DCC: variants seen among roughly 807,000 people sequenced by gnomAD.
The protein encoded by DCC is netrin receptor DCC.
DCC carries 58 observed loss-of-function variants against 172.5 expected under a neutral mutation model. That is an observed-to-expected ratio of 0.34 (90% CI 0.27 to 0.42). The LOEUF is 0.42. Ranked by LOEUF, DCC falls within the 10% of genes least tolerant of loss-of-function variation. The probability of loss-of-function intolerance (pLI) is 1.00; values close to 1 mark genes in which losing one functional copy is unlikely to be tolerated. For missense variants in DCC, 1,740 were observed against 1,791.0 expected, an observed-to-expected ratio of 0.97 and a Z score of 0.51; for synonymous variants, 709 against 644.5, an observed-to-expected ratio of 1.10 and a Z score of -1.52.
At chr18:53,525,796 G>A (rs1487180875) in intron 27 of DCC, among the ~76,000 whole-genome samples, 1 of 152,102 alleles carries the variant, frequency 6.6e-6, no homozygotes, top group Non-Finnish European at 1.5e-5. Flanking sequence ...TTCTGCTGAA[G>A]TCTTGGTTAC....
intron 10 of DCC, among the ~76,000 whole-genome samples, chr18:53,205,625 A>C (rs1158451476): frequency 6.6e-6 from 1 of 152,212 alleles, no homozygotes; most frequent in Non-Finnish European, 1.5e-5. Context: ...TTGAGTCTGC[A>C]GTGGCCTGGC....
chr18:52,847,552 A>G (rs1162824583), intron 2 of DCC, among the ~76,000 whole-genome samples: 1 of 152,228 alleles, frequency 6.6e-6, no homozygotes, highest in Non-Finnish European at 1.5e-5. Context: ...TGCATCTGCT[A>G]GCCAAACGAC....
intron 3 of DCC, among the ~76,000 whole-genome samples, chr18:52,906,853 CTG>C (rs1303445270): frequency 2.9e-5 from 1 of 34,640 alleles, no homozygotes; most frequent in African/African-American, 6.3e-5. Flanking sequence ...TTTTACAGGG[CTG>C]TTTTTTTTTA....
At chr18:52,590,622 T>C (rs2033778534) in intron 1 of DCC, among the ~76,000 whole-genome samples, 1 of 152,196 alleles carries the variant, frequency 6.6e-6, no homozygotes, top group Non-Finnish European at 1.5e-5. Flanking sequence ...TTGTGATTCT[T>C]GGCACATTTA....
intron 1 of DCC, among the ~76,000 whole-genome samples, chr18:52,463,019 G>A (rs1988678518): frequency 6.6e-6 from 1 of 152,180 alleles, no homozygotes; most frequent in Admixed American, 6.5e-5. Flanking sequence ...CCACTGCGAT[G>A]GCTGCCATGT....
intron 1 of DCC, among the ~76,000 whole-genome samples, chr18:52,705,161 C>T (rs747843500): frequency 2.0e-5 from 3 of 152,150 alleles, no homozygotes; most frequent in Non-Finnish European, 4.4e-5. Context: ...GTTTTCTAAG[C>T]ACATTTTATA....
chr18:52,716,963 G>C (rs2036393980), intron 1 of DCC, among the ~76,000 whole-genome samples: 1 of 152,178 alleles, frequency 6.6e-6, no homozygotes. Flanking sequence ...AAGTGACCAA[G>C]ATCCAAAATA....
intron 7 of DCC, among the ~76,000 whole-genome samples, chr18:53,097,484 A>C (rs1431576375): frequency 6.6e-6 from 1 of 152,212 alleles, no homozygotes; most frequent in African/African-American, 2.4e-5. Context: ...GTCTTGAAGT[A>C]GCTTAAACTT....
chr18:52,705,087 C>T (rs575526374), intron 1 of DCC, among the ~76,000 whole-genome samples: 1 of 152,122 alleles, frequency 6.6e-6, no homozygotes, highest in Non-Finnish European at 1.5e-5. Flanking sequence ...GTATGTTATG[C>T]AAAGCATGAC....
At chr18:53,072,080 G>A (rs997356563) in intron 7 of DCC, among the ~76,000 whole-genome samples, 2 of 152,156 alleles carry the variant, frequency 1.3e-5, no homozygotes, top group African/African-American at 4.8e-5. Context: ...AGTGAGCCAA[G>A]ATCAAGCTAC....
chr18:53,217,076 T>G (rs887039481), intron 12 of DCC, among the ~76,000 whole-genome samples: 1 of 152,116 alleles, frequency 6.6e-6, no homozygotes, highest in Non-Finnish European at 1.5e-5. Flanking sequence ...TAGAAATTGA[T>G]ATACAAGCTA....
At chr18:53,497,932 A>AATCT (rs59915953) in intron 26 of DCC, among the ~76,000 whole-genome samples, 3,296 of 152,252 alleles carry the variant, frequency 0.022, 105 homozygotes, top group African/African-American at 0.075. Flanking sequence ...TGTTCAAAGA[A>AATCT]ATCTTTTATC....
chr18:52,625,449 GCTACTATTGGGGTCAAT>G (rs1228161269), intron 1 of DCC, among the ~76,000 whole-genome samples: 1 of 152,088 alleles, frequency 6.6e-6, no homozygotes, highest in Non-Finnish European at 1.5e-5. Context: ...CATGTGCTTT[GCTACTATTGGGGTCAAT>G]CTTTCATTTG....
intron 5 of DCC, among the ~76,000 whole-genome samples, chr18:53,017,064 TTTTTC>T (rs1332942281): frequency 4.0e-5 from 6 of 151,252 alleles, no homozygotes; most frequent in Non-Finnish European, 7.4e-5. Context: ...GTATGTTTTT[TTTTTC>T]TTTTTCTTTT....
chr18:53,277,900 G>A (rs2056824350), intron 12 of DCC, among the ~76,000 whole-genome samples: 1 of 152,090 alleles, frequency 6.6e-6, no homozygotes. Context: ...AGATTCCAGG[G>A]AAAAAGAAAA....
At chr18:52,972,602 A>G (rs941064273) in intron 5 of DCC, among the ~76,000 whole-genome samples, 1 of 151,540 alleles carries the variant, frequency 6.6e-6, no homozygotes, top group East Asian at 1.9e-4. Context: ...AATATATCAT[A>G]TATTTACATA....
Position 52,840,544 on chromosome 18 carries a change from C to T in DCC, c.413-65500C>T, listed in dbSNP as rs186302623. Among the ~76,000 whole-genome samples the T allele has an allele frequency of 4.6e-5, 7 of 152,150 alleles. No homozygotes were observed. The East Asian group carries it at 7.7e-4, about 17-fold the overall frequency. ...TTTTTTTCATGGATGGTCCAGCTGT[C>T]AAAATACAGATGTGTTCATTAACCT... On this transcript the variant is annotated intron_variant, in intron 2 of 28. Transcript: ENST00000442544.
chr18:52,670,036 G>T (rs1236011817), intron 1 of DCC, among the ~76,000 whole-genome samples: 1 of 152,102 alleles, frequency 6.6e-6, no homozygotes, highest in African/African-American at 2.4e-5. Flanking sequence ...TCAGAGGAAA[G>T]AGCCAACACT....
intron 7 of DCC, among the ~76,000 whole-genome samples, chr18:53,145,304 G>T (rs951421127): frequency 6.6e-6 from 1 of 151,958 alleles, no homozygotes. Context: ...TGGAAGAGAC[G>T]GGGTTTCACA....
Sources: allele counts gnomAD v4.1 joint callset (sites outside exome capture counted in the v4.1 genomes callset), GRCh38; gene constraint gnomAD v4.1.1; transcripts MANE v1.5; gene names NCBI Gene and HGNC (gene_info 2026-07-23, HGNC 2026-07-21).